The following SIN3A variants were observed in gnomAD, a reference collection of about 807,000 sequenced individuals.
SIN3A encodes the protein paired amphipathic helix protein Sin3a.
SIN3A carries 14 observed loss-of-function variants against 146.1 expected under a neutral mutation model. The ratio of observed to expected loss-of-function variants is 0.10; its 90% CI spans 0.06 to 0.15. SIN3A has a LOEUF of 0.15. Among genes scored for constraint, SIN3A ranks in the 10% least tolerant of loss-of-function variants. The pLI, the probability that SIN3A is intolerant of heterozygous loss-of-function variation, is 1.00. For synonymous variants in SIN3A, 572 were observed against 572.0 expected, an observed-to-expected ratio of 1.00 and a Z score of 0.00; for missense variants, 1,028 against 1,576.0, an observed-to-expected ratio of 0.65 and a Z score of 5.89.
rs2072692256 is a variant in SIN3A at position 75,369,716 on chromosome 15, G to T, written c.*2263C>A. ...AAACACTGCAGGGGCAGCAACAGCT[G>T]GGGCTGACCCTGATCACACCCCACC... On this transcript the variant is annotated 3_prime_UTR_variant, in exon 21 of 21. Transcript: ENST00000394947. 1.3e-5 allele frequency: 2 copies of T among 152,190 alleles called. No homozygotes were observed. The highest frequency in any genetic ancestry group is 2.9e-5 in the Non-Finnish European group (2 of 68,046). 9.4% of individuals were successfully genotyped at this position (152,190 alleles called of 1,614,324 possible). A position where few individuals can be genotyped will look rare whatever the true frequency, so the allele number is the denominator to read the frequency against.
At chr15:75,417,577 C>A (rs1438993541) in intron 3 of SIN3A, among the ~76,000 whole-genome samples, 1 of 151,968 alleles carries the variant, frequency 6.6e-6, no homozygotes, top group Non-Finnish European at 1.5e-5. Flanking sequence ...TGGGATTTCA[C>A]CATGTTGGCC....
At chr15:75,447,000 C>G (rs751836156) in intron 1 of SIN3A, among the ~76,000 whole-genome samples, 1 of 152,098 alleles carries the variant, frequency 6.6e-6, no homozygotes, top group Non-Finnish European at 1.5e-5. Context: ...ATCTCCTGAC[C>G]TCGTGATCCG....
At chr15:75,417,370 G>GTCTTTT (rs1019471608) in intron 3 of SIN3A, among the ~76,000 whole-genome samples, 4 of 151,278 alleles carry the variant, frequency 2.6e-5, no homozygotes, top group African/African-American at 9.7e-5. Flanking sequence ...ATTTAAGCCA[G>GTCTTTT]TCTTTTTCTT....
intron 2 of SIN3A, among the ~76,000 whole-genome samples, chr15:75,425,004 T>C (rs2073901584): frequency 6.6e-6 from 1 of 152,174 alleles, no homozygotes; most frequent in South Asian, 2.1e-4. Flanking sequence ...AACTTTTAAA[T>C]AGTTTTTTAA....
At chr15:75,452,388 C>T (rs1207625204), upstream of SIN3A, among the ~76,000 whole-genome samples, 4 of 152,206 alleles carry the variant, frequency 2.6e-5, no homozygotes, top group African/African-American at 4.8e-5. Context: ...GGAGACTCCA[C>T]ATCCTAGGAT....
At chr15:75,383,344 G>A (rs949290735) in intron 17 of SIN3A, among the ~76,000 whole-genome samples, 2 of 151,600 alleles carry the variant, frequency 1.3e-5, no homozygotes, top group African/African-American at 4.8e-5. Context: ...CTCAAGCATA[G>A]AGAAGTTTAG....
rs1470824129 is a variant in SIN3A, at chr15:75,400,814, A to G, written c.1653T>C (p.Cys551=). 1.2e-6 allele frequency: 2 copies of G among 1,614,058 alleles called. No homozygotes were observed. Among genetic ancestry groups the G allele is most frequent in the African/African-American group, 2.7e-5 (2 of 74,908 alleles). Residue 551 remains cysteine (C), a synonymous_variant, in exon 11 of 21, where the codon TGT becomes TGC. Transcript: ENST00000394947. ...CTCGATAGCTGGAGCCCAATCGTTT[A>G]CAAGAAGCATAATCTATCTCCATAG... ...GIAMEIDYAS[C]KRLGSSYRAL...
At chr15:75,414,771 C>T (rs530667038) in intron 3 of SIN3A, among the ~76,000 whole-genome samples, 39 of 152,022 alleles carry the variant, frequency 2.6e-4, no homozygotes, top group Non-Finnish European at 5.0e-4. Flanking sequence ...ACGTCTTCTC[C>T]ACCAAAAAAA....
chr15:75,386,625 G>A (rs2073087345), intron 16 of SIN3A, among the ~76,000 whole-genome samples: 1 of 152,184 alleles, frequency 6.6e-6, no homozygotes, highest in Non-Finnish European at 1.5e-5. Flanking sequence ...GGAGCCTGGA[G>A]CACATGCCGT....
At chr15:75,376,754 G>C (rs2072864645) in intron 19 of SIN3A, among the ~76,000 whole-genome samples, 1 of 151,518 alleles carries the variant, frequency 6.6e-6, no homozygotes, top group Non-Finnish European at 1.5e-5. Flanking sequence ...CAGCTACTTG[G>C]GAGGCTGAGG....
Position 75,380,712 on chromosome 15 carries a change from G to C in SIN3A, c.3300C>G (p.Asp1100Glu), listed in dbSNP as rs1230045595. The C allele has an allele frequency of 3.1e-6, 5 of 1,613,744 alleles. No homozygotes were observed. Among genetic ancestry groups the C allele is most frequent in the Non-Finnish European group, 4.2e-6 (5 of 1,179,776 alleles). Residue 1100 changes from aspartate to glutamate, a missense_variant, in exon 19 of 21, where the codon GAC (aspartate) becomes GAG (glutamate). Transcript: ENST00000394947. Reference protein sequence around the residue: ...DDPVEAERWSDYVERYMNSDT... With the variant: ...DDPVEAERWSEYVERYMNSDT... Reference sequence around the variant, plus strand: ...CTGAATTCATGTATCGCTCCACGTAGTCTGACCAGCGCTAAGATGGCAAAC... The same window carrying C: ...CTGAATTCATGTATCGCTCCACGTACTCTGACCAGCGCTAAGATGGCAAAC...
At chr15:75,455,483 C>T (rs1018779914), upstream of SIN3A, among the ~76,000 whole-genome samples, 18 of 152,228 alleles carry the variant, frequency 1.2e-4, no homozygotes, top group Non-Finnish European at 2.2e-4. Flanking sequence ...AAACCGACTG[C>T]TCGGTGAGAT....
At chr15:75,399,895 C>A in intron 12 of SIN3A, 145 bp downstream of exon 12, 1 of 632,160 alleles carries the variant, frequency 1.6e-6, no homozygotes, top group East Asian at 2.5e-5. Context: ...ATGCATAAAG[C>A]ATGGAAAGTA....
chr15:75,436,065 G>A (rs968135440), intron 1 of SIN3A, among the ~76,000 whole-genome samples: 6 of 151,638 alleles, frequency 4.0e-5, no homozygotes, highest in African/African-American at 1.5e-4. Context: ...AGTTGAGGCT[G>A]CAAGGTTGTA....
At chr15:75,429,329 G>A (rs966225699) in intron 2 of SIN3A, among the ~76,000 whole-genome samples, 6 of 152,140 alleles carry the variant, frequency 3.9e-5, no homozygotes, top group Non-Finnish European at 7.4e-5. Context: ...GCTAGGGCAC[G>A]GGAGGACTGC....
chr15:75,401,735 T>A, intron 10 of SIN3A, 117 bp downstream of exon 10: 1 of 662,006 alleles, frequency 1.5e-6, no homozygotes, highest in Non-Finnish European at 2.7e-6. Flanking sequence ...GGCACTAACA[T>A]TTGAGTCAAC....
intron 14 of SIN3A, among the ~76,000 whole-genome samples, chr15:75,393,400 A>T (rs1037574785): frequency 6.6e-6 from 1 of 151,962 alleles, no homozygotes; most frequent in Non-Finnish European, 1.5e-5. Context: ...TTTTTTTGGC[A>T]GGGTCTTGCT....
At chr15:75,381,419 A>AAC (rs1399182331) in intron 18 of SIN3A, among the ~76,000 whole-genome samples, 194 bp downstream of exon 18, 1 of 152,224 alleles carries the variant, frequency 6.6e-6, no homozygotes, top group Non-Finnish European at 1.5e-5. Context: ...AGATGAGGTT[A>AAC]ACATCTATAA....
intron 1 of SIN3A, among the ~76,000 whole-genome samples, chr15:75,431,196 A>C (rs1363589946): frequency 6.6e-6 from 1 of 152,238 alleles, no homozygotes; most frequent in African/African-American, 2.4e-5. Context: ...ATGGGAAGAC[A>C]AAGATTCTAG....
Sources: gnomAD v4.1 joint callset for allele counts (sites outside exome capture counted in the v4.1 genomes callset) on GRCh38, gnomAD v4.1.1 for gene constraint, MANE v1.5 for transcripts, NCBI Gene and HGNC (gene_info 2026-07-23, HGNC 2026-07-21) for gene names.